CDH18: variants seen among roughly 807,000 people sequenced by gnomAD.
CDH18 encodes cadherin 18, also known as cadherin-18.
CDH18 carries 31 observed loss-of-function variants against 67.9 expected under a neutral mutation model. That is an observed-to-expected ratio of 0.46 (90% CI 0.34 to 0.62). The LOEUF (loss-of-function observed/expected upper bound fraction) is 0.62, where lower values mean the gene tolerates loss of function less well. Ranked by LOEUF, CDH18 falls within the 20% of genes least tolerant of loss-of-function variation. The pLI, the probability that CDH18 is intolerant of heterozygous loss-of-function variation, is 0.01. For synonymous variants in CDH18, 362 were observed against 347.2 expected, an observed-to-expected ratio of 1.04 and a Z score of -0.48; for missense variants, 890 against 975.5, an observed-to-expected ratio of 0.91 and a Z score of 1.17.
rs1561374083 is a variant in CDH18, at chr5:19,571,730, TA to T, written c.1101del (p.Thr368LeufsTer3). 17 of 1,613,974 alleles carry T rather than the reference TA, an allele frequency of 1.1e-5. No homozygotes were observed. The highest frequency in any genetic ancestry group is 1.4e-5 in the Non-Finnish European group (17 of 1,179,904). ...RFSHLGPFKD[A>X]TMLKIIVGDV... is the part of the protein sequence containing the mutation. ...TCCCCAACAATGATCTTCAGCATAG[TA>T]GCATCTTTAAAAGGACCCAAGTGAG... On this transcript the variant is annotated frameshift_variant, in exon 8 of 13. Coordinates refer to ENST00000382275, the MANE Select transcript of CDH18 (RefSeq NM_004934.5). LOFTEE classifies it high-confidence loss of function.
chr5:19,804,336 T>A (rs898246686), intron 3 of CDH18, among the ~76,000 whole-genome samples: 2 of 151,610 alleles, frequency 1.3e-5, no homozygotes, highest in Admixed American at 1.3e-4. Context: ...AATAAATAAG[T>A]AAATCCTAAA....
chr5:19,882,063 T>C (rs1787720037), intron 2 of CDH18, among the ~76,000 whole-genome samples: 1 of 152,178 alleles, frequency 6.6e-6, no homozygotes, highest in South Asian at 2.1e-4. Context: ...CAACATATTA[T>C]CTTTGTGAAT....
At chr5:19,521,510 ATCTC>A (rs1746890058) in intron 9 of CDH18, among the ~76,000 whole-genome samples, 1 of 152,170 alleles carries the variant, frequency 6.6e-6, no homozygotes, top group African/African-American at 2.4e-5. Flanking sequence ...AACAAATTAA[ATCTC>A]TCTGTCTGGC....
intron 2 of CDH18, among the ~76,000 whole-genome samples, chr5:20,118,074 A>C (rs1224381912): frequency 6.6e-6 from 1 of 152,212 alleles, no homozygotes; most frequent in African/African-American, 2.4e-5. Flanking sequence ...AGAAAGAATC[A>C]ACTTCTTAGG....
At chr5:20,305,320 C>T in intron 1 of CDH18, 2 of 1,572,218 alleles carry the variant, frequency 1.3e-6, no homozygotes, top group Non-Finnish European at 1.8e-6. Flanking sequence ...AACATTTCTG[C>T]GCTTTGCTTT....
rs185450542 is a variant in CDH18, at chr5:20,061,449, G to A, written c.-517-69435C>T. Among the ~76,000 whole-genome samples, 26 of 152,056 alleles carry A rather than the reference G, an allele frequency of 1.7e-4. No homozygotes were observed. In the East Asian group the frequency reaches 5.0e-3, roughly 29 times the overall value. ...TAACAATTCCACCTTCCATACACAC[G>A]TCGTGGCTGTGACTGCTCATTTATT... On this transcript the variant is annotated intron_variant, in intron 2 of 14. Coordinates refer to the CDH18 transcript ENST00000507958.
intron 1 of CDH18, among the ~76,000 whole-genome samples, chr5:20,523,519 G>C (rs11744634): frequency 0.39 from 58,656 of 152,018 alleles, 13,144 homozygotes; most frequent in East Asian, 0.56. Context: ...GCTGGAATAT[G>C]ATAATGGAAA....
intron 5 of CDH18, among the ~76,000 whole-genome samples, chr5:19,653,695 AC>A (rs1755909962): frequency 6.6e-6 from 1 of 152,136 alleles, no homozygotes; most frequent in South Asian, 2.1e-4. Flanking sequence ...TAGAACACAT[AC>A]ATCTTGTTGC....
At chr5:20,346,650 C>T (rs886341934) in intron 1 of CDH18, among the ~76,000 whole-genome samples, 1 of 152,118 alleles carries the variant, frequency 6.6e-6, no homozygotes, top group African/African-American at 2.4e-5. Context: ...TGGGTGTTAC[C>T]TCTAGATGGC....
chr5:20,325,205 C>T (rs1036643421), intron 1 of CDH18, among the ~76,000 whole-genome samples: 4 of 152,140 alleles, frequency 2.6e-5, no homozygotes, highest in African/African-American at 9.7e-5. Context: ...TTTTATTAAA[C>T]CAATCTTTAA....
At chr5:20,025,642 A>G (rs948153649) in intron 2 of CDH18, among the ~76,000 whole-genome samples, 1 of 152,186 alleles carries the variant, frequency 6.6e-6, no homozygotes, top group African/African-American at 2.4e-5. Context: ...TTGCCCAAAT[A>G]TGATTTTCTT....
intron 1 of CDH18, among the ~76,000 whole-genome samples, chr5:20,497,770 G>C (rs1561065104): frequency 6.6e-6 from 1 of 152,088 alleles, no homozygotes; most frequent in Non-Finnish European, 1.5e-5. Context: ...GTCAAAAAGA[G>C]AGTTCGTTTA....
chr5:19,992,462 A>AC (rs1800039498), upstream of CDH18, among the ~76,000 whole-genome samples: 1 of 152,032 alleles, frequency 6.6e-6, no homozygotes, highest in African/African-American at 2.4e-5. Flanking sequence ...AAAAAAAAAA[A>AC]AACAACTGTG....
At chr5:20,134,270 C>T (rs1272166362) in intron 2 of CDH18, among the ~76,000 whole-genome samples, 1 of 152,118 alleles carries the variant, frequency 6.6e-6, no homozygotes, top group African/African-American at 2.4e-5. Context: ...GTCACCATGC[C>T]CAGCCTACAT....
At chr5:20,403,433 T>TA (rs1745953096) in intron 1 of CDH18, among the ~76,000 whole-genome samples, 1 of 152,182 alleles carries the variant, frequency 6.6e-6, no homozygotes, top group Non-Finnish European at 1.5e-5. Context: ...ATTTTTTGAA[T>TA]AATAAAAAAT....
rs1454276120 is a variant in CDH18, at chr5:20,532,890, ACT to A, written c.-580+42570_-580+42571del. On this transcript the variant is annotated intron_variant, in intron 1 of 14. Coordinates refer to the CDH18 transcript ENST00000507958. ...GCTTTATGTTAATATTGTTTCATAA[ACT>A]CTTTTTTTTTTTCACTAAAAACCTG... Among the ~76,000 whole-genome samples the A allele has an allele frequency of 8.3e-4, 122 of 147,262 alleles. 1 individual carries two copies. Among genetic ancestry groups the A allele is most frequent in the African/African-American group, 3.1e-3 (122 of 39,772 alleles).
intron 1 of CDH18, among the ~76,000 whole-genome samples, chr5:20,301,195 G>T (rs1735867805): frequency 6.6e-6 from 1 of 151,938 alleles, no homozygotes; most frequent in African/African-American, 2.4e-5. Context: ...TTGTTTGTTT[G>T]TTTGTTTGTT....
At chr5:19,553,881 G>T (rs193007790) in intron 8 of CDH18, among the ~76,000 whole-genome samples, 7 of 151,926 alleles carry the variant, frequency 4.6e-5, no homozygotes, top group Non-Finnish European at 8.8e-5. Flanking sequence ...TGATCCTCTC[G>T]CCTCGACCTT....
chr5:20,386,444 T>A (rs1744315116), intron 1 of CDH18, among the ~76,000 whole-genome samples: 1 of 152,138 alleles, frequency 6.6e-6, no homozygotes, highest in African/African-American at 2.4e-5. Context: ...TTATCCACAA[T>A]TTTGCCATAT....
Sources: gnomAD v4.1 joint callset for allele counts (sites outside exome capture counted in the v4.1 genomes callset) on GRCh38, gnomAD v4.1.1 for gene constraint, MANE v1.5 for transcripts, NCBI Gene and HGNC (gene_info 2026-07-23, HGNC 2026-07-21) for gene names.